The following JAK2 variants were observed in gnomAD, a reference collection of about 807,000 sequenced individuals.
The protein encoded by JAK2 is Janus kinase 2.
In JAK2, 86 loss-of-function variants were observed where a neutral mutation model predicts 139.3. The observed-to-expected ratio is 0.62, with a 90% CI of 0.52 to 0.74. The LOEUF is 0.74. Ranked by LOEUF, JAK2 falls within the 30% of genes least tolerant of loss-of-function variation. JAK2 has a pLI of 0.00. For missense variants in JAK2, 1,421 were observed against 1,360.3 expected (o/e 1.04, Z -0.70); for synonymous variants, 490 against 437.7 (o/e 1.12, Z -1.49).
chr9:5,070,077 G>A, intron 12 of JAK2, 25 bp downstream of exon 12: 1 of 1,537,342 alleles, frequency 6.5e-7, no homozygotes, highest in Non-Finnish European at 8.9e-7. Flanking sequence ...ACTCATTACT[G>A]TCTTTTTTGT....
chr9:5,047,875 A>G (rs1586700409), intron 5 of JAK2, among the ~76,000 whole-genome samples: 1 of 152,276 alleles, frequency 6.6e-6, no homozygotes, highest in South Asian at 2.1e-4. Flanking sequence ...TGCTGGGAGT[A>G]CGAGTGTGAG....
At chr9:4,996,437 A>G (rs1820566134) in intron 2 of JAK2, among the ~76,000 whole-genome samples, 1 of 152,154 alleles carries the variant, frequency 6.6e-6, no homozygotes, top group African/African-American at 2.4e-5. Flanking sequence ...AACAAGAGTG[A>G]AACTCTGTCT....
chr9:5,116,779 T>C (rs1206010261), intron 22 of JAK2, among the ~76,000 whole-genome samples: 1 of 152,144 alleles, frequency 6.6e-6, no homozygotes, highest in Non-Finnish European at 1.5e-5. Context: ...GATAGGCAAA[T>C]TCAACTGACA....
chr9:5,040,462 C>G (rs1289460875), intron 4 of JAK2, among the ~76,000 whole-genome samples: 3 of 152,172 alleles, frequency 2.0e-5, no homozygotes, highest in Admixed American at 2.0e-4. Flanking sequence ...TAGGCTTTAT[C>G]AAAGTTAAAA....
At chr9:5,110,841 T>TGG in intron 22 of JAK2, 1 of 460,996 alleles carries the variant, frequency 2.2e-6, no homozygotes, top group Admixed American at 2.6e-5. Flanking sequence ...TCGGGGAAGG[T>TGG]GGGGGGGACG....
chr9:5,125,248 T>C (rs993761095), intron 23 of JAK2, among the ~76,000 whole-genome samples: 16 of 150,990 alleles, frequency 1.1e-4, no homozygotes, highest in Non-Finnish European at 2.4e-4. Context: ...TTATAAAAGT[T>C]CACTTATATA....
In JAK2 at chr9:4,993,127, G is replaced by A. The variant is rs377379622; in HGVS notation, c.-26+7105G>A. Among the ~76,000 whole-genome samples, 19 of 152,214 alleles carry A rather than the reference G, an allele frequency of 1.2e-4. 1 individual carries two copies. In the East Asian group the frequency reaches 1.7e-3, roughly 14 times the overall value. ...CCTTTAAAAACTTTGTGGACTTCCT[G>A]TGTGTAAGTTTATAATCTGTACTGC... On this transcript the variant is annotated intron_variant, in intron 2 of 24. Transcript: ENST00000381652.
At chr9:4,998,501 C>T (rs572825718) in intron 2 of JAK2, among the ~76,000 whole-genome samples, 468 of 152,144 alleles carry the variant, frequency 3.1e-3, no homozygotes, top group African/African-American at 1.0e-2. Flanking sequence ...GTGATCCGCC[C>T]GCCTTGGCCT....
At chr9:5,081,255 T>A (rs10121004) in intron 18 of JAK2, among the ~76,000 whole-genome samples, 1 of 99,788 alleles carries the variant, frequency 1.0e-5, no homozygotes, top group African/African-American at 6.3e-5. Flanking sequence ...TTGTAAATTA[T>A]AGTATTTTTT....
chr9:5,052,151 T>C (rs1817458325), intron 6 of JAK2, among the ~76,000 whole-genome samples: 1 of 152,112 alleles, frequency 6.6e-6, no homozygotes, highest in Non-Finnish European at 1.5e-5. Context: ...GTTATAAATA[T>C]GAAGCCATCT....
intron 2 of JAK2, among the ~76,000 whole-genome samples, chr9:5,001,737 A>G (rs545192506): frequency 2.0e-4 from 31 of 151,996 alleles, no homozygotes; most frequent in African/African-American, 6.7e-4. Flanking sequence ...GTAAGAGTTT[A>G]TACAGAATTG....
chr9:5,018,459 C>G (rs1047706724), intron 2 of JAK2, among the ~76,000 whole-genome samples: 4 of 152,170 alleles, frequency 2.6e-5, no homozygotes, highest in African/African-American at 9.7e-5. Context: ...GCCTCAGCCT[C>G]TCAGGTAGCT....
At chr9:5,091,697 C>G (rs1820586417) in intron 22 of JAK2, 1 of 152,080 alleles carries the variant, frequency 6.6e-6, no homozygotes, top group African/African-American at 2.4e-5. Flanking sequence ...TTGGTATAGA[C>G]TTTTCTAGTC....
At chr9:5,070,863 G>C (rs1818910310) in intron 12 of JAK2, among the ~76,000 whole-genome samples, 1 of 152,116 alleles carries the variant, frequency 6.6e-6, no homozygotes, top group Non-Finnish European at 1.5e-5. Context: ...TAAGATTTAA[G>C]AGCAATTTAA....
At chr9:5,044,167 C>T (rs935665377) in intron 4 of JAK2, among the ~76,000 whole-genome samples, 11 of 152,182 alleles carry the variant, frequency 7.2e-5, no homozygotes, top group African/African-American at 2.7e-4. Context: ...ATTGCTTCTA[C>T]ATTTTGTGCA....
Position 5,092,839 on chromosome 9 carries a change from A to AAACTT in JAK2, c.3059+1930_3059+1934dup, listed in dbSNP as rs377564443. Among the ~76,000 whole-genome samples, 763 of 152,282 alleles carry AAACTT rather than the reference A, an allele frequency of 5.0e-3. 5 individuals carry two copies. Among genetic ancestry groups the AAACTT allele is most frequent in the African/African-American group, 0.016 (669 of 41,554 alleles). On this transcript the variant is annotated intron_variant, in intron 22 of 24. Transcript: ENST00000381652. Reference sequence around the variant, plus strand: ...CAAGATAGAATCTTAGTTCAGCTTTAAACTTACCCACAGAATTACTTAATG... The same window carrying AAACTT: ...CAAGATAGAATCTTAGTTCAGCTTTAAACTTAACTTACCCACAGAATTACTTAATG...
intron 18 of JAK2, among the ~76,000 whole-genome samples, chr9:5,081,320 A>G (rs1273155288): frequency 6.6e-6 from 1 of 151,044 alleles, no homozygotes; most frequent in African/African-American, 2.4e-5. Flanking sequence ...CTCATATTTT[A>G]TAATTGATTG....
chr9:5,078,262 C>A, intron 15 of JAK2, 44 bp from the exon 16 acceptor site: 1 of 1,548,462 alleles, frequency 6.5e-7, no homozygotes, highest in Non-Finnish European at 8.9e-7. Flanking sequence ...TGCTCCAGTA[C>A]TTGTGGACTG....
At chr9:5,088,001 C>T (rs1032703328) in intron 19 of JAK2, among the ~76,000 whole-genome samples, 3 of 152,108 alleles carry the variant, frequency 2.0e-5, no homozygotes, top group Non-Finnish European at 4.4e-5. Context: ...TTTATGAACA[C>T]ATTGTTAAGT....
Sources: allele counts gnomAD v4.1 joint callset (sites outside exome capture counted in the v4.1 genomes callset), GRCh38; gene constraint gnomAD v4.1.1; transcripts MANE v1.5; gene names NCBI Gene and HGNC (gene_info 2026-07-23, HGNC 2026-07-21).